Variants in EXOC6B observed in about 807,000 individuals in gnomAD.
The protein encoded by EXOC6B is SEC15 homolog B.
A neutral mutation model predicts 113.5 loss-of-function variants in EXOC6B; 54 were observed. That is an observed-to-expected ratio of 0.48 (90% CI 0.38 to 0.60). The LOEUF (loss-of-function observed/expected upper bound fraction) is 0.60, where lower values mean the gene tolerates loss of function less well. EXOC6B is among the 20% of genes least tolerant of loss of function. The pLI is 0.00. For missense variants in EXOC6B, 797 were observed against 977.5 expected, an observed-to-expected ratio of 0.82 and a Z score of 2.46; for synonymous variants, 357 against 339.0, an observed-to-expected ratio of 1.05 and a Z score of -0.58.
At chr2:72,469,812 G>A (rs1318184772) in intron 17 of EXOC6B, among the ~76,000 whole-genome samples, 1 of 151,950 alleles carries the variant, frequency 6.6e-6, no homozygotes, top group Non-Finnish European at 1.5e-5. Flanking sequence ...TGATTTTTCT[G>A]CCTCCTGGAT....
intron 20 of EXOC6B, among the ~76,000 whole-genome samples, chr2:72,287,290 G>A (rs1685493654): frequency 6.6e-6 from 1 of 151,658 alleles, no homozygotes; most frequent in South Asian, 2.1e-4. Flanking sequence ...AATTAGCCGG[G>A]CGTGGTGTCA....
chr2:72,342,532 A>C (rs1449852035), intron 19 of EXOC6B, among the ~76,000 whole-genome samples: 3 of 152,160 alleles, frequency 2.0e-5, no homozygotes. Flanking sequence ...AAAATACAAG[A>C]TATAATGAAC....
chr2:72,226,064 A>C (rs2104448083), intron 20 of EXOC6B, among the ~76,000 whole-genome samples: 1 of 152,186 alleles, frequency 6.6e-6, no homozygotes, highest in Admixed American at 6.5e-5. Context: ...CGAATGTAAA[A>C]CCCCTTTTAA....
intron 6 of EXOC6B, among the ~76,000 whole-genome samples, chr2:72,671,785 A>AAGAAAGAAAGAAAGAAAGAAAG (rs1675858340): frequency 7.8e-6 from 1 of 128,126 alleles, no homozygotes; most frequent in African/African-American, 3.4e-5. Flanking sequence ...GAAAGAAAGA[A>AAGAAAGAAAGAAAGAAAGAAAG]AGAAAGAAAG....
intron 18 of EXOC6B, among the ~76,000 whole-genome samples, chr2:72,459,349 G>C (rs1697471857): frequency 6.6e-6 from 1 of 152,144 alleles, no homozygotes; most frequent in South Asian, 2.1e-4. Flanking sequence ...TGGAAGTTCT[G>C]GCCAGGGCAA....
At chr2:72,482,909 C>A (rs531066327) in intron 16 of EXOC6B, among the ~76,000 whole-genome samples, 2 of 152,286 alleles carry the variant, frequency 1.3e-5, no homozygotes, top group African/African-American at 4.8e-5. Flanking sequence ...CGAATAAATT[C>A]TCTTAGATGA....
intron 13 of EXOC6B, among the ~76,000 whole-genome samples, chr2:72,497,929 A>G (rs1403456668): frequency 1.3e-5 from 2 of 152,220 alleles, no homozygotes; most frequent in Non-Finnish European, 2.9e-5. Context: ...GCATGTTGCA[A>G]TAACTACTTA....
chr2:72,339,293 A>G (rs1029216964), intron 19 of EXOC6B, among the ~76,000 whole-genome samples: 2 of 152,116 alleles, frequency 1.3e-5, no homozygotes, highest in Non-Finnish European at 2.9e-5. Context: ...TTGGCCAAGC[A>G]GAACCAATGG....
chr2:72,636,867 TA>T lies in EXOC6B; in HGVS notation c.670-61200del, dbSNP rs377610911. Among the ~76,000 whole-genome samples, 22 of 149,556 alleles carry T rather than the reference TA, an allele frequency of 1.5e-4. 2 individuals carry two copies. Among genetic ancestry groups the T allele is most frequent in the African/African-American group, 4.7e-4 (19 of 40,732 alleles). On this transcript the variant is annotated intron_variant, in intron 6 of 21. Transcript: ENST00000272427. ...AGCACACATATCAGAAAAGAAAAAA[TA>T]AAACTGTCTCTATTTACAAATGATA...
intron 1 of EXOC6B, among the ~76,000 whole-genome samples, chr2:72,818,477 T>G (rs1418456942): frequency 2.6e-5 from 4 of 151,960 alleles, no homozygotes; most frequent in South Asian, 2.1e-4. Context: ...GTATTTTTAG[T>G]AGAGACACGG....
chr2:72,289,188 T>A (rs905943394), intron 20 of EXOC6B: 3 of 171,648 alleles, frequency 1.7e-5, no homozygotes, highest in African/African-American at 7.2e-5. Flanking sequence ...ATTAATTACT[T>A]CTGGGTGTGA....
intron 16 of EXOC6B, among the ~76,000 whole-genome samples, chr2:72,485,626 A>T (rs1464693467): frequency 1.3e-5 from 2 of 152,224 alleles, no homozygotes; most frequent in African/African-American, 4.8e-5. Flanking sequence ...CTGGTTACGA[A>T]TTCCAAGATA....
At chr2:72,768,223 C>G (rs913187861) in intron 1 of EXOC6B, among the ~76,000 whole-genome samples, 3 of 148,148 alleles carry the variant, frequency 2.0e-5, no homozygotes, top group African/African-American at 7.4e-5. Flanking sequence ...ACCACTGAAA[C>G]AATGATATTT....
intron 20 of EXOC6B, among the ~76,000 whole-genome samples, chr2:72,293,190 C>G (rs1685917011): frequency 6.6e-6 from 1 of 152,274 alleles, no homozygotes; most frequent in Admixed American, 6.5e-5. Flanking sequence ...TCTGCATCCT[C>G]ACCAGCAGTT....
intron 1 of EXOC6B, among the ~76,000 whole-genome samples, chr2:72,744,054 C>T (rs1404634037): frequency 6.6e-6 from 1 of 152,102 alleles, no homozygotes; most frequent in East Asian, 1.9e-4. Context: ...CAAATACTTA[C>T]CAGTATGTTA....
intron 20 of EXOC6B, among the ~76,000 whole-genome samples, chr2:72,319,910 A>T (rs1485654341): frequency 6.6e-6 from 1 of 151,688 alleles, no homozygotes. Flanking sequence ...ATCTCAGCCC[A>T]CTACAACCTC....
rs1012905623 is a variant in EXOC6B at position 72,825,149 on chromosome 2, C to CA, written c.113+648dup. Among the ~76,000 whole-genome samples the CA allele has an allele frequency of 7.8e-4, 116 of 149,656 alleles. No individual in the cohort carries two copies. Among genetic ancestry groups the CA allele is most frequent in the African/African-American group, 2.5e-3 (101 of 40,758 alleles). ...TCCAAATAAAATGGAGATGTGCGTG[C>CA]AAAAAAAAATGATAACTGGGGGGCG... On this transcript the variant is annotated intron_variant, in intron 1 of 21. Transcript: ENST00000272427. This position sits in a 1 kb window ranked among gnomAD's most constrained non-coding sequence, Gnocchi z 4.4.
At chr2:72,730,938 G>C in intron 5 of EXOC6B, 69 bp downstream of exon 5, 1 of 1,062,468 alleles carries the variant, frequency 9.4e-7, no homozygotes, top group South Asian at 1.7e-5. Context: ...GCTAAATATG[G>C]ACCTAAACGT....
At chr2:72,564,686 A>G (rs978819837) in intron 7 of EXOC6B, among the ~76,000 whole-genome samples, 5 of 152,210 alleles carry the variant, frequency 3.3e-5, no homozygotes, top group African/African-American at 1.2e-4. Context: ...GAAGGGTAGA[A>G]TTCATTTGGA....
Sources: gnomAD v4.1 joint callset for allele counts (sites outside exome capture counted in the v4.1 genomes callset) on GRCh38, gnomAD v4.1.1 for gene constraint, Gnocchi (gnomAD v3.1) non-coding constraint, MANE v1.5 for transcripts, NCBI Gene and HGNC (gene_info 2026-07-23, HGNC 2026-07-21) for gene names.